PRIMA1: variants seen among roughly 807,000 people sequenced by gnomAD.
PRIMA1 encodes the protein proline rich membrane anchor 1.
PRIMA1 carries 7 observed loss-of-function variants against 17.5 expected under a neutral mutation model. The ratio of observed to expected loss-of-function variants is 0.40; its 90% CI spans 0.23 to 0.75. The LOEUF (loss-of-function observed/expected upper bound fraction) is 0.75. Among genes scored for constraint, PRIMA1 ranks in the 30% least tolerant of loss-of-function variants. The pLI is 0.37. For synonymous variants in PRIMA1, 97 were observed against 77.9 expected (o/e 1.25, Z -1.29); for missense variants, 200 against 201.8 (o/e 0.99, Z 0.05).
chr14:93,747,115 G>A (rs1386588318), intron 3 of PRIMA1, among the ~76,000 whole-genome samples: 2 of 152,174 alleles, frequency 1.3e-5, no homozygotes, highest in Admixed American at 1.3e-4. Context: ...GGTAGGCAGA[G>A]GGGAGAAGAG....
intron 2 of PRIMA1, among the ~76,000 whole-genome samples, chr14:93,783,146 A>T (rs1407747956): frequency 6.6e-6 from 1 of 152,190 alleles, no homozygotes; most frequent in Non-Finnish European, 1.5e-5. Flanking sequence ...GTCTACACTA[A>T]GTTGTGAGTG....
intron 2 of PRIMA1, 51 bp downstream of exon 2, chr14:93,787,575 G>A (rs887196561): frequency 6.5e-7 from 1 of 1,536,596 alleles, no homozygotes; most frequent in Non-Finnish European, 8.7e-7. Context: ...GGGACAGCTC[G>A]CCCCTTACCC....
intron 2 of PRIMA1, among the ~76,000 whole-genome samples, chr14:93,784,492 A>G (rs1218656580): frequency 1.3e-5 from 2 of 152,196 alleles, no homozygotes; most frequent in Non-Finnish European, 2.9e-5. Context: ...TAAAATACCA[A>G]CCTGAGATTG....
intron 3 of PRIMA1, among the ~76,000 whole-genome samples, chr14:93,770,010 C>T (rs1885010062): frequency 2.0e-5 from 3 of 152,176 alleles, no homozygotes. Flanking sequence ...TTCTTCCACG[C>T]AGTCATTCCT....
intron 4 of PRIMA1, among the ~76,000 whole-genome samples, chr14:93,729,860 G>A (rs1329426921): frequency 2.0e-5 from 3 of 152,060 alleles, no homozygotes; most frequent in Non-Finnish European, 2.9e-5. Flanking sequence ...CATGCGTATG[G>A]GGAAGGGAGA....
chr14:93,767,621 G>A (rs1884930178), intron 3 of PRIMA1, among the ~76,000 whole-genome samples: 3 of 152,312 alleles, frequency 2.0e-5, no homozygotes, highest in South Asian at 4.1e-4. Context: ...CAGGGGTGCC[G>A]GAGCTAGCCC....
chr14:93,762,018 T>C (rs1010103668), intron 3 of PRIMA1, among the ~76,000 whole-genome samples: 1 of 152,226 alleles, frequency 6.6e-6, no homozygotes, highest in Non-Finnish European at 1.5e-5. Context: ...CTGACTGTTG[T>C]TCTGTATCCA....
At chr14:93,722,762 T>C (rs74755775) in intron 4 of PRIMA1, among the ~76,000 whole-genome samples, 4 of 14,300 alleles carry the variant, frequency 2.8e-4, no homozygotes, top group African/African-American at 1.1e-3. Context: ...ATGGAGGTGA[T>C]GATGGCGGTG....
rs1339027084 is a variant in PRIMA1, at chr14:93,726,079, C to T, written c.360-4533G>A. On this transcript the variant is annotated intron_variant, in intron 4 of 4. Transcript: ENST00000393140. This position sits in a 1 kb window ranked among gnomAD's most constrained non-coding sequence, Gnocchi z 4.2. Reference sequence around the variant, plus strand: ...GGATTCCTGCTTGTAGGAGGGTGGGCTCTGCCACCTTCAGACTTCTTGTCC... The same window carrying T: ...GGATTCCTGCTTGTAGGAGGGTGGGTTCTGCCACCTTCAGACTTCTTGTCC... 4.4e-6 allele frequency: 2 copies of T among 456,264 alleles called. No homozygotes were observed. Among genetic ancestry groups the T allele is most frequent in the African/African-American group, 2.0e-5 (1 of 50,204 alleles). 28.3% of individuals were successfully genotyped at this position (456,264 alleles called of 1,614,324 possible). A position where few individuals can be genotyped will look rare whatever the true frequency, so the allele number is the denominator to read the frequency against.
chr14:93,745,416 C>T (rs570557349), intron 3 of PRIMA1, among the ~76,000 whole-genome samples: 1 of 152,216 alleles, frequency 6.6e-6, no homozygotes, highest in Admixed American at 6.5e-5. Context: ...ACGAGTGGCC[C>T]TGAAAACATC....
At chr14:93,760,326 C>T (rs1223615310) in intron 3 of PRIMA1, among the ~76,000 whole-genome samples, 4 of 152,180 alleles carry the variant, frequency 2.6e-5, no homozygotes, top group African/African-American at 9.7e-5. Flanking sequence ...ACTCCTCTGC[C>T]CATCCACCCT....
At chr14:93,755,695 T>A (rs539000696) in intron 3 of PRIMA1, among the ~76,000 whole-genome samples, 2 of 152,192 alleles carry the variant, frequency 1.3e-5, no homozygotes, top group Non-Finnish European at 2.9e-5. Flanking sequence ...AGACAAGGCA[T>A]GTACAGCCCT....
chr14:93,749,052 T>G (rs1595205160), intron 3 of PRIMA1, among the ~76,000 whole-genome samples: 1 of 152,178 alleles, frequency 6.6e-6, no homozygotes, highest in Admixed American at 6.5e-5. Context: ...AATAGCCCTC[T>G]TTGTTAGACT....
At position 93,759,914 on chromosome 14, in the gene PRIMA1, G is replaced by A. The variant is rs180728032; in HGVS notation, c.229+19262C>T. On this transcript the variant is annotated intron_variant, in intron 3 of 4. Coordinates refer to ENST00000393140, the MANE Select transcript of PRIMA1 (RefSeq NM_178013.4). ...CACAGTCTGGAAGCTTCCCAGACAG[G>A]CTGGCCTGAGACACTTGAACCTTTA... 2.6e-5 allele frequency among the ~76,000 whole-genome samples: 4 copies of A among 152,362 alleles called. No individual in the cohort carries two copies. In the East Asian group the frequency reaches 5.8e-4, roughly 22 times the overall value.
chr14:93,736,645 C>G (rs554554050), intron 4 of PRIMA1, among the ~76,000 whole-genome samples: 1 of 152,228 alleles, frequency 6.6e-6, no homozygotes, highest in African/African-American at 2.4e-5. Context: ...TTCTGTGGCC[C>G]CCCATCCTGT....
At chr14:93,750,487 A>G (rs976894955) in intron 3 of PRIMA1, among the ~76,000 whole-genome samples, 1 of 152,212 alleles carries the variant, frequency 6.6e-6, no homozygotes, top group African/African-American at 2.4e-5. Flanking sequence ...CACTTTGCAG[A>G]GGGGTTCAGG....
At chr14:93,781,004 C>G (rs1325149584) in intron 2 of PRIMA1, among the ~76,000 whole-genome samples, 2 of 152,224 alleles carry the variant, frequency 1.3e-5, no homozygotes, top group Admixed American at 1.3e-4. Context: ...CAGGGAGAGC[C>G]CCCCGGGGCT....
chr14:93,776,627 C>T (rs61377624), intron 3 of PRIMA1, among the ~76,000 whole-genome samples: 21,741 of 152,220 alleles, frequency 0.14, 1,920 homozygotes, highest in African/African-American at 0.24. Flanking sequence ...CACTTAACAC[C>T]TTCGTAGGCT....
intron 3 of PRIMA1, among the ~76,000 whole-genome samples, chr14:93,769,650 G>A (rs887591948): frequency 6.6e-6 from 1 of 152,172 alleles, no homozygotes; most frequent in Non-Finnish European, 1.5e-5. Context: ...GGCGGGTCAC[G>A]GGGACTGGCT....
Sources: allele counts gnomAD v4.1 joint callset (sites outside exome capture counted in the v4.1 genomes callset), GRCh38; gene constraint gnomAD v4.1.1; non-coding constraint Gnocchi (gnomAD v3.1); transcripts MANE v1.5; gene names NCBI Gene and HGNC (gene_info 2026-07-23, HGNC 2026-07-21).